The following SATB1 variants were observed in gnomAD, a reference collection of about 807,000 sequenced individuals.
SATB1 encodes the protein DNA-binding protein SATB1.
A neutral mutation model predicts 86.9 loss-of-function variants in SATB1; 11 were observed. That is an observed-to-expected ratio of 0.13 (90% CI 0.08 to 0.21). The LOEUF (loss-of-function observed/expected upper bound fraction) is 0.21, where lower values mean the gene tolerates loss of function less well. Among genes scored for constraint, SATB1 ranks in the 10% least tolerant of loss-of-function variants. The pLI is 1.00. For synonymous variants in SATB1, 357 were observed against 357.2 expected (o/e 1.00, Z 0.01); for missense variants, 551 against 937.6 (o/e 0.59, Z 5.39).
At chr3:18,405,130 A>C (rs752655051) in intron 5 of SATB1, among the ~76,000 whole-genome samples, 60 of 152,204 alleles carry the variant, frequency 3.9e-4, no homozygotes, top group Non-Finnish European at 7.2e-4. Context: ...AAATACACTC[A>C]TTATTAACTT....
At position 18,347,920 on chromosome 3, in the gene SATB1, GCAGA is replaced by G. The variant is rs888949721; in HGVS notation, c.*1246_*1249del. The G allele has an allele frequency of 2.0e-5, 3 of 152,400 alleles. No homozygotes were observed. Among genetic ancestry groups the G allele is most frequent in the Admixed American group, 2.0e-4 (3 of 15,272 alleles). The allele number at this position is 152,400 out of a possible 1,614,324, so 9.4% of individuals were successfully genotyped here. On this transcript the variant is annotated 3_prime_UTR_variant, in exon 11 of 11. Coordinates refer to ENST00000338745, the MANE Select transcript of SATB1 (RefSeq NM_002971.6). The stretch of plus-strand genomic sequence containing the variant: ...TGACTCCTTTAGTTACTTCACATAA[GCAGA>G]CAAACCCTACCATGTCATACGATAC...
In SATB1 at chr3:18,352,121, G is replaced by T. The variant is rs755592704; in HGVS notation, c.1650C>A (p.Ser550=). 1.1e-5 allele frequency: 17 copies of T among 1,614,172 alleles called. No individual in the cohort carries two copies. Among genetic ancestry groups the T allele is most frequent in the South Asian group, 9.9e-5 (9 of 91,084 alleles). Reference sequence around the variant, plus strand: ...GAAGACTGAGGAACCTTCGGATCATGGAGAGGTTCTCCCACAGGGTTCTGT... The same window carrying T: ...GAAGACTGAGGAACCTTCGGATCATTGAGAGGTTCTCCCACAGGGTTCTGT... ...PENRTLWENL[S]MIRRFLSLPQ... Residue 550 remains serine, a synonymous_variant, in exon 10 of 11, where the codon TCC becomes TCA. Coordinates refer to ENST00000338745, the MANE Select transcript of SATB1 (RefSeq NM_002971.6). This position sits in a 1 kb window ranked among gnomAD's most constrained non-coding sequence, Gnocchi z 4.1.
At chr3:18,382,886 A>G (rs778512444) in intron 8 of SATB1, among the ~76,000 whole-genome samples, 49 of 152,350 alleles carry the variant, frequency 3.2e-4, no homozygotes, top group Non-Finnish European at 5.4e-4. Context: ...TAGAGGAAGG[A>G]GCAAGAGACT....
chr3:18,403,809 T>A (rs929053614), intron 5 of SATB1, among the ~76,000 whole-genome samples: 2 of 152,078 alleles, frequency 1.3e-5, no homozygotes, highest in Non-Finnish European at 2.9e-5. Context: ...TTCAATAAAA[T>A]GAGCATTTAC....
chr3:18,375,599 AG>A (rs1695704015), intron 9 of SATB1, among the ~76,000 whole-genome samples: 1 of 152,132 alleles, frequency 6.6e-6, no homozygotes, highest in Admixed American at 6.5e-5. Context: ...TCTGATTTGA[AG>A]GGTTTTTTTG....
chr3:18,443,033 T>C (rs1314864112), upstream of SATB1, among the ~76,000 whole-genome samples: 2 of 152,196 alleles, frequency 1.3e-5, no homozygotes, highest in Non-Finnish European at 2.9e-5. The surrounding 1 kb of genome is among the most constrained non-coding windows in gnomAD (Gnocchi z 4.4). Context: ...ACTTAAAGTA[T>C]GGGTTTTTGT....
chr3:18,402,679 C>T (rs9683201), intron 5 of SATB1, among the ~76,000 whole-genome samples: 90,162 of 151,828 alleles, frequency 0.59, 27,391 homozygotes, highest in East Asian at 0.92. Context: ...TACATGCTTG[C>T]GTTTTTTGCA....
rs1428557325 is a variant in SATB1, at chr3:18,386,356, A to G, written c.1419+43T>C. On this transcript the variant is annotated intron_variant, in intron 8 of 10. Coordinates refer to ENST00000338745, the MANE Select transcript of SATB1 (RefSeq NM_002971.6). This position sits in a 1 kb window ranked among gnomAD's most constrained non-coding sequence, Gnocchi z 4.5. ...TGAGATTCTTCCTCAAGCATTAAAA[A>G]AAAGCTAAACAAAGAAGGGCAAGGA... is the stretch of plus-strand genomic sequence containing the variant. 6 of 1,471,582 alleles carry G rather than the reference A, an allele frequency of 4.1e-6. No individual in the cohort carries two copies. The African/African-American group carries it at 5.6e-5, about 14-fold the overall frequency. The allele number at this position is 1,471,582 out of a possible 1,614,324, so 91.2% of individuals were successfully genotyped here.
rs1694209470 is a variant in SATB1, at chr3:18,349,085, AG to A, written c.*84del. The A allele has an allele frequency of 6.5e-7, 1 of 1,528,156 alleles. No homozygotes were observed. Among genetic ancestry groups the A allele is most frequent in the Admixed American group, 2.2e-5 (1 of 46,036 alleles). The allele number at this position is 1,528,156 out of a possible 1,614,324, so 94.7% of individuals were successfully genotyped here. ...TCATTGGCCAAACAATGAACAACAAAGGTTTTCTGAGAGAAGACAAGGTGGA... is the reference window on the plus strand; with the variant it reads ...TCATTGGCCAAACAATGAACAACAAAGTTTTCTGAGAGAAGACAAGGTGGA... On this transcript the variant is annotated 3_prime_UTR_variant, in exon 11 of 11. Transcript: ENST00000338745. This position sits in a 1 kb window ranked among gnomAD's most constrained non-coding sequence, Gnocchi z 5.5.
chr3:18,366,493 G>T (rs937555723), intron 9 of SATB1, among the ~76,000 whole-genome samples: 4 of 151,952 alleles, frequency 2.6e-5, no homozygotes, highest in Middle Eastern at 3.2e-3. Context: ...GCTAAGGGTG[G>T]ACCTTCAGGC....
At chr3:18,355,152 A>C (rs943266668) in intron 9 of SATB1, among the ~76,000 whole-genome samples, 2 of 152,028 alleles carry the variant, frequency 1.3e-5, no homozygotes, top group African/African-American at 4.8e-5. Flanking sequence ...GGGTATTCCA[A>C]AAAAATTTAA....
At chr3:18,372,857 G>A (rs1236036722) in intron 9 of SATB1, among the ~76,000 whole-genome samples, 1 of 152,072 alleles carries the variant, frequency 6.6e-6, no homozygotes, top group East Asian at 1.9e-4. Flanking sequence ...TGTTATAAAT[G>A]GCCACTAATA....
chr3:18,349,145 G>T lies in SATB1; in HGVS notation c.*25C>A. ...TTTGTTAGTAAATACCAGTGGCACTGTTGAACGAAACAAATACTTTTATCT... is the reference window on the plus strand; with the variant it reads ...TTTGTTAGTAAATACCAGTGGCACTTTTGAACGAAACAAATACTTTTATCT... On this transcript the variant is annotated 3_prime_UTR_variant, in exon 11 of 11. Transcript: ENST00000338745. This position sits in a 1 kb window ranked among gnomAD's most constrained non-coding sequence, Gnocchi z 5.5. 1.2e-6 allele frequency: 2 copies of T among 1,605,518 alleles called. 1 individual carries two copies. The highest frequency in any genetic ancestry group is 1.7e-6 in the Non-Finnish European group (2 of 1,174,830).
At chr3:18,360,281 A>G (rs985727409) in intron 9 of SATB1, among the ~76,000 whole-genome samples, 1 of 152,128 alleles carries the variant, frequency 6.6e-6, no homozygotes, top group Non-Finnish European at 1.5e-5. Context: ...TCCCAGAGTG[A>G]GAATCTTTAC....
intron 9 of SATB1, among the ~76,000 whole-genome samples, chr3:18,361,283 G>A (rs1694893882): frequency 6.6e-6 from 1 of 152,050 alleles, no homozygotes; most frequent in Admixed American, 6.6e-5. Context: ...TCAATTTTCT[G>A]CTCTATAAAA....
intron 10 of SATB1, 179 bp downstream of exon 10, chr3:18,351,813 C>T (rs763919812): frequency 4.0e-5 from 25 of 621,918 alleles, no homozygotes; most frequent in Admixed American, 1.5e-4. Context: ...ACGATACATA[C>T]GCTGGAAAAA....
rs989679747 is a variant in SATB1 at position 18,444,105 on chromosome 3, C to T, written c.-25+1413G>A. ...GGCGGAGATGGACCGGGAAAGGATG[C>T]TGAGCAGACTCGCGATCCGGTGGGG... On this transcript the variant is annotated intron_variant, in intron 1 of 3. Transcript: ENST00000415069. The surrounding 1 kb of genome is among the most constrained non-coding windows in gnomAD (Gnocchi z 5.1). 1.3e-5 allele frequency among the ~76,000 whole-genome samples: 2 copies of T among 152,150 alleles called. No homozygotes were observed. The highest frequency in any genetic ancestry group is 2.9e-5 in the Non-Finnish European group (2 of 68,020).
intron 9 of SATB1, among the ~76,000 whole-genome samples, chr3:18,376,041 A>C (rs1695733406): frequency 6.6e-6 from 1 of 152,172 alleles, no homozygotes; most frequent in Non-Finnish European, 1.5e-5. Context: ...CATTGCTGAA[A>C]TAGAGACCCA....
At chr3:18,416,156 G>A (rs1559451821) in intron 3 of SATB1, 23 bp from the exon 4 acceptor site, 2 of 1,572,810 alleles carry the variant, frequency 1.3e-6, no homozygotes, top group Non-Finnish European at 1.7e-6. Flanking sequence ...AAGAGAATAT[G>A]TCACTAAATA....
Sources: gnomAD v4.1 joint callset for allele counts (sites outside exome capture counted in the v4.1 genomes callset) on GRCh38, gnomAD v4.1.1 for gene constraint, Gnocchi (gnomAD v3.1) non-coding constraint, MANE v1.5 for transcripts, NCBI Gene and HGNC (gene_info 2026-07-23, HGNC 2026-07-21) for gene names.